Variants in CHMP2B observed in about 807,000 individuals in gnomAD.
CHMP2B encodes the protein charged multivesicular body protein 2B, also known as VPS2 homolog B.
CHMP2B carries 22 observed loss-of-function variants against 29.8 expected under a neutral mutation model. The observed-to-expected ratio is 0.74, with a 90% CI of 0.53 to 1.05. The LOEUF (loss-of-function observed/expected upper bound fraction) is 1.05, where lower values mean the gene tolerates loss of function less well. Among genes scored for constraint, CHMP2B ranks in the 50% least tolerant of loss-of-function variants. The pLI, the probability that CHMP2B is intolerant of heterozygous loss-of-function variation, is 0.00. For missense variants in CHMP2B, 261 were observed against 252.2 expected, an observed-to-expected ratio of 1.03 and a Z score of -0.24; for synonymous variants, 78 against 75.8, an observed-to-expected ratio of 1.03 and a Z score of -0.15.
chr3:87,253,327 C>T, intron 4 of CHMP2B, 77 bp from the exon 5 acceptor site: 1 of 854,686 alleles, frequency 1.2e-6, no homozygotes. Flanking sequence ...AATAGTTGGG[C>T]TAGACTGTAA....
chr3:87,234,253 C>A (rs1282613586), intron 1 of CHMP2B, among the ~76,000 whole-genome samples: 2 of 152,206 alleles, frequency 1.3e-5, no homozygotes, highest in East Asian at 3.8e-4. Context: ...GTGAGCTAGA[C>A]TGGACCACAT....
At chr3:87,227,969 G>C (rs1705844015) in intron 1 of CHMP2B, among the ~76,000 whole-genome samples, 1 of 152,186 alleles carries the variant, frequency 6.6e-6, no homozygotes, top group Non-Finnish European at 1.5e-5. Flanking sequence ...CTCGGAATGG[G>C]GAGGGAGGGG....
Position 87,251,326 on chromosome 3 carries a change from G to A in CHMP2B, c.424+1349G>A, listed in dbSNP as rs190957496. Among the ~76,000 whole-genome samples, 121 of 152,012 alleles carry A rather than the reference G, an allele frequency of 8.0e-4. 1 individual carries two copies. The highest frequency in any genetic ancestry group is 4.1e-3 in the Admixed American group (63 of 15,256). On this transcript the variant is annotated intron_variant, in intron 4 of 5. Coordinates refer to ENST00000263780, the MANE Select transcript of CHMP2B (RefSeq NM_014043.4). ...CATCATCAATGATTTTTTAATGACT[G>A]AGAGAATTGTTATTTATATAATGAT...
chr3:87,227,490 C>A lies in CHMP2B; in HGVS notation c.-33C>A, dbSNP rs1275693177. Reference sequence around the variant, plus strand: ...TTTGCCAGCGTTGGGCCGGACCGGGCCGAGCCGGGCCGCCCGGGCGCAGTC... The same window carrying A: ...TTTGCCAGCGTTGGGCCGGACCGGGACGAGCCGGGCCGCCCGGGCGCAGTC... On this transcript the variant is annotated 5_prime_UTR_variant, in exon 1 of 6. Coordinates refer to ENST00000263780, the MANE Select transcript of CHMP2B (RefSeq NM_014043.4). The A allele has an allele frequency of 6.2e-7, 1 of 1,613,950 alleles. No homozygotes were observed. The highest frequency in any genetic ancestry group is 2.2e-5 in the East Asian group (1 of 44,848).
At chr3:87,248,410 T>G (rs1383772855) in intron 3 of CHMP2B, among the ~76,000 whole-genome samples, 2 of 151,546 alleles carry the variant, frequency 1.3e-5, no homozygotes, top group Non-Finnish European at 2.9e-5. Flanking sequence ...CAGGCTGGAG[T>G]GCAATGGCGT....
intron 3 of CHMP2B, among the ~76,000 whole-genome samples, chr3:87,246,872 G>C (rs1706222775): frequency 2.0e-5 from 3 of 152,158 alleles, no homozygotes; most frequent in Non-Finnish European, 4.4e-5. Context: ...ATGTCTCTTG[G>C]AACCTACCCA....
chr3:87,240,735 C>T lies in CHMP2B; in HGVS notation c.71C>T (p.Thr24Ile), dbSNP rs776778264. The T allele has an allele frequency of 1.1e-5, 18 of 1,613,284 alleles. No homozygotes were observed. Among genetic ancestry groups the T allele is most frequent in the Admixed American group, 1.0e-4 (6 of 59,968 alleles). Residue 24 changes from threonine (T) to isoleucine (I), a missense_variant, in exon 2 of 6, where the codon ACA becomes ATA. Physicochemically the swap from Thr to Ile is moderately conservative, Grantham distance 89. Transcript: ENST00000263780. ...GAACAGAATCGAGAGTTACGAGGTA[C>T]ACAGAGGGCTATAATCAGAGATCGA... The part of the protein sequence containing the change: ...IKEQNRELRG[T>I]QRAIIRDRAA...
intron 4 of CHMP2B, among the ~76,000 whole-genome samples, chr3:87,251,905 CT>C (rs1159045825): frequency 1.3e-5 from 2 of 151,498 alleles, no homozygotes; most frequent in African/African-American, 2.4e-5. Flanking sequence ...ATGACCTGGA[CT>C]TTGCATCTCC....
At chr3:87,243,211 A>G (rs1272209168) in intron 2 of CHMP2B, among the ~76,000 whole-genome samples, 1 of 152,122 alleles carries the variant, frequency 6.6e-6, no homozygotes, top group African/African-American at 2.4e-5. Flanking sequence ...TAGTCTGTCA[A>G]TACAGTGAAT....
chr3:87,251,256 C>T (rs1228409466), intron 4 of CHMP2B, among the ~76,000 whole-genome samples: 1 of 151,776 alleles, frequency 6.6e-6, no homozygotes, highest in African/African-American at 2.4e-5. Context: ...GTTTTTACTT[C>T]AGGCCTTTAG....
intron 1 of CHMP2B, among the ~76,000 whole-genome samples, chr3:87,239,001 T>C (rs1160085732): frequency 6.6e-6 from 1 of 152,156 alleles, no homozygotes; most frequent in African/African-American, 2.4e-5. Flanking sequence ...TGTGAAGTAG[T>C]AGTATTTTCT....
intron 3 of CHMP2B, among the ~76,000 whole-genome samples, chr3:87,247,164 A>G (rs1182648824): frequency 6.6e-6 from 1 of 152,216 alleles, no homozygotes; most frequent in Admixed American, 6.5e-5. Context: ...CATTGCTCCC[A>G]GGGGAAATAC....
intron 1 of CHMP2B, among the ~76,000 whole-genome samples, chr3:87,233,439 A>G (rs1397617458): frequency 6.6e-6 from 1 of 152,054 alleles, no homozygotes; most frequent in East Asian, 1.9e-4. Flanking sequence ...TGAGTTTGTC[A>G]TATTTTTGCA....
At position 87,253,929 on chromosome 3, in the gene CHMP2B, TGAA is replaced by T. The variant is rs1013033456; in HGVS notation, c.*110_*112del. 11 of 696,298 alleles carry T rather than the reference TGAA, an allele frequency of 1.6e-5. No individual in the cohort carries two copies. The African/African-American group carries it at 1.8e-4, about 12-fold the overall frequency. 43.1% of individuals were successfully genotyped at this position (696,298 alleles called of 1,614,324 possible). A position where few individuals can be genotyped will look rare whatever the true frequency, so the allele number is the denominator to read the frequency against. ...ATGTATTTTGCAAAAAAAAAAAAAA[TGAA>T]GACCATGAGTGAACAGTTGTTTCCT... On this transcript the variant is annotated 3_prime_UTR_variant, in exon 6 of 6. Transcript: ENST00000263780.
chr3:87,239,767 A>G (rs573675007), intron 1 of CHMP2B, among the ~76,000 whole-genome samples: 4 of 152,332 alleles, frequency 2.6e-5, no homozygotes, highest in Admixed American at 2.6e-4. Context: ...GAAAGATACT[A>G]TAATTGAGAG....
chr3:87,234,170 C>T (rs542540010), intron 1 of CHMP2B, among the ~76,000 whole-genome samples: 1 of 152,322 alleles, frequency 6.6e-6, no homozygotes, highest in South Asian at 2.1e-4. Context: ...CAAATTATAT[C>T]TGAACTAATG....
Position 87,254,221 on chromosome 3 carries a change from T to C in CHMP2B, c.*399T>C, listed in dbSNP as rs1706364355. ...AATATTAAAAGTATATCGTTAATTC[T>C]GTATCTGTTGCTTGTCTTTTGTAAG... is the stretch of plus-strand genomic sequence containing the variant. On this transcript the variant is annotated 3_prime_UTR_variant, in exon 6 of 6. Coordinates refer to ENST00000263780, the MANE Select transcript of CHMP2B (RefSeq NM_014043.4). 1 of 190,942 alleles carries C rather than the reference T, an allele frequency of 5.2e-6. No individual in the cohort carries two copies. The highest frequency in any genetic ancestry group is 9.9e-5 in the South Asian group (1 of 10,056). The allele number at this position is 190,942 out of a possible 1,614,324, so 11.8% of individuals were successfully genotyped here. A position where few individuals can be genotyped will look rare whatever the true frequency, so the allele number is the denominator to read the frequency against.
intron 3 of CHMP2B, among the ~76,000 whole-genome samples, chr3:87,247,575 G>A (rs1429027537): frequency 6.6e-6 from 1 of 152,172 alleles, no homozygotes; most frequent in African/African-American, 2.4e-5. Context: ...CATGTTGGGT[G>A]ACTCACATGT....
At chr3:87,252,564 G>A (rs1706334545) in intron 4 of CHMP2B, among the ~76,000 whole-genome samples, 1 of 151,788 alleles carries the variant, frequency 6.6e-6, no homozygotes, top group Admixed American at 6.6e-5. Context: ...CTTCCTCCCA[G>A]TTGGATGTGA....
Sources: gnomAD v4.1 joint callset for allele counts (sites outside exome capture counted in the v4.1 genomes callset) on GRCh38, gnomAD v4.1.1 for gene constraint, MANE v1.5 for transcripts, NCBI Gene and HGNC (gene_info 2026-07-23, HGNC 2026-07-21) for gene names.